FGD4: variants seen among roughly 807,000 people sequenced by gnomAD.
FGD4 encodes the protein FYVE, RhoGEF and PH domain-containing protein 4.
Under a neutral mutation model 102.0 loss-of-function variants are expected in FGD4, and 42 were observed. That is an observed-to-expected ratio of 0.41 (90% confidence interval 0.32 to 0.53). The LOEUF (loss-of-function observed/expected upper bound fraction) is 0.53, where lower values mean the gene tolerates loss of function less well. FGD4 is among the 20% of genes least tolerant of loss of function. FGD4 has a pLI of 0.21. For missense variants in FGD4, 902 were observed against 1,078.2 expected (o/e 0.84, Z 2.29); for synonymous variants, 380 against 375.7 (o/e 1.01, Z -0.13).
At chr12:32,406,679 T>C (rs1940946589) in intron 1 of FGD4, among the ~76,000 whole-genome samples, 1 of 152,218 alleles carries the variant, frequency 6.6e-6, no homozygotes, top group Admixed American at 6.5e-5. Context: ...GATGATCTGC[T>C]TGGCTTCCAA....
At chr12:32,490,246 A>G (rs1175614532) in intron 1 of FGD4, among the ~76,000 whole-genome samples, 1 of 152,116 alleles carries the variant, frequency 6.6e-6, no homozygotes, top group African/African-American at 2.4e-5. Flanking sequence ...AAATTCTGAC[A>G]TTTGACATTT....
intron 1 of FGD4, among the ~76,000 whole-genome samples, chr12:32,442,984 C>T (rs1198165689): frequency 6.6e-6 from 1 of 152,156 alleles, no homozygotes; most frequent in Non-Finnish European, 1.5e-5. Flanking sequence ...GTTGTCTTGA[C>T]AGATGTCTAT....
At chr12:32,413,180 A>G (rs1053261663) in intron 1 of FGD4, among the ~76,000 whole-genome samples, 4 of 152,178 alleles carry the variant, frequency 2.6e-5, no homozygotes, top group East Asian at 1.9e-4. Flanking sequence ...CCTAATGTAG[A>G]TGATGGTTTG....
chr12:32,474,610 G>A (rs565010054), intron 1 of FGD4, among the ~76,000 whole-genome samples: 1 of 152,230 alleles, frequency 6.6e-6, no homozygotes, highest in African/African-American at 2.4e-5. Context: ...ATAGCTAAAA[G>A]GTATACGGTT....
At chr12:32,619,364 C>T (rs544073558) in intron 10 of FGD4, among the ~76,000 whole-genome samples, 11 of 152,192 alleles carry the variant, frequency 7.2e-5, no homozygotes, top group African/African-American at 2.6e-4. Flanking sequence ...TGCGGTGGCT[C>T]ACACCTGTAA....
At chr12:32,419,446 T>TCA (rs1941546318) in intron 1 of FGD4, among the ~76,000 whole-genome samples, 1 of 152,158 alleles carries the variant, frequency 6.6e-6, no homozygotes, top group African/African-American at 2.4e-5. Flanking sequence ...AGCACTGAGT[T>TCA]AAGTTAAAGT....
At chr12:32,597,197 G>A (rs1947979625) in intron 4 of FGD4, among the ~76,000 whole-genome samples, 1 of 152,162 alleles carries the variant, frequency 6.6e-6, no homozygotes, top group Admixed American at 6.5e-5. Flanking sequence ...CCCTCATACA[G>A]CAATACAGAA....
At chr12:32,404,086 C>T (rs202093930) in intron 1 of FGD4, among the ~76,000 whole-genome samples, 2 of 145,212 alleles carry the variant, frequency 1.4e-5, no homozygotes, top group Non-Finnish European at 1.5e-5. Context: ...GTTTTGGGTT[C>T]TTTTTTTTTT....
At position 32,602,238 on chromosome 12, in the gene FGD4, G is replaced by A; in HGVS notation, c.1325G>A (p.Gly442Glu). 1 of 1,614,156 alleles carries A rather than the reference G, an allele frequency of 6.2e-7. No individual in the cohort carries two copies. The highest frequency in any genetic ancestry group is 8.5e-7 in the Non-Finnish European group (1 of 1,180,022). The stretch of plus-strand genomic sequence containing the variant: ...AAGATGTATGGAGAATATGTGAAAG[G>A]ATTTGATAATGCAATGGAATTGGTT... Reference protein sequence around the residue: ...FLKMYGEYVKGFDNAMELVKN... With the variant: ...FLKMYGEYVKEFDNAMELVKN... Residue 442 changes from glycine to glutamate, a missense_variant, in exon 7 of 17, where the codon GGA becomes GAA. Transcript: ENST00000534526.
Position 32,579,872 on chromosome 12 carries a change from T to C in FGD4, c.504-2088T>C, listed in dbSNP as rs541147940. On this transcript the variant is annotated intron_variant, in intron 3 of 16. Coordinates refer to ENST00000534526, the MANE Select transcript of FGD4 (RefSeq NM_001370298.3). Reference sequence around the variant, plus strand: ...TGTATCTTTTTTCCTCCCTCATCACTTTCTTGCTGTTTACTTTTATTCCCT... The same window carrying C: ...TGTATCTTTTTTCCTCCCTCATCACCTTCTTGCTGTTTACTTTTATTCCCT... Among the ~76,000 whole-genome samples the C allele has an allele frequency of 2.0e-4, 30 of 152,322 alleles. No homozygotes were observed. The South Asian group carries it at 3.9e-3, about 20-fold the overall frequency.
chr12:32,593,386 G>C (rs1036260108), intron 4 of FGD4, among the ~76,000 whole-genome samples: 23 of 152,306 alleles, frequency 1.5e-4, no homozygotes, highest in African/African-American at 5.5e-4. Flanking sequence ...ATGTAAGTGA[G>C]TGATTAAACC....
intron 5 of FGD4, among the ~76,000 whole-genome samples, chr12:32,599,363 G>T (rs111330646): frequency 7.0e-6 from 1 of 142,082 alleles, no homozygotes; most frequent in African/African-American, 2.7e-5. Context: ...GCGTGGTAGC[G>T]GGCGCCTGTA....
At chr12:32,424,386 A>G (rs1941756875) in intron 1 of FGD4, among the ~76,000 whole-genome samples, 1 of 152,194 alleles carries the variant, frequency 6.6e-6, no homozygotes, top group African/African-American at 2.4e-5. Context: ...ATGTCCCTGC[A>G]AAGGACATGA....
chr12:32,495,833 A>G (rs1178511456), intron 1 of FGD4, among the ~76,000 whole-genome samples: 1 of 152,156 alleles, frequency 6.6e-6, no homozygotes, highest in African/African-American at 2.4e-5. Context: ...GTGTGCACAC[A>G]TGCTTCACCT....
chr12:32,404,086 C>CTTT (rs35761761), intron 1 of FGD4, among the ~76,000 whole-genome samples: 4 of 145,162 alleles, frequency 2.8e-5, no homozygotes, highest in African/African-American at 7.6e-5. Context: ...GTTTTGGGTT[C>CTTT]TTTTTTTTTT....
At chr12:32,519,997 T>G (rs1940334259) in intron 1 of FGD4, among the ~76,000 whole-genome samples, 1 of 152,112 alleles carries the variant, frequency 6.6e-6, no homozygotes, top group Non-Finnish European at 1.5e-5. Flanking sequence ...TGTTTTAGAG[T>G]AAGTTTTGAA....
At chr12:32,423,732 T>C (rs957399271) in intron 1 of FGD4, among the ~76,000 whole-genome samples, 1 of 152,072 alleles carries the variant, frequency 6.6e-6, no homozygotes, top group Non-Finnish European at 1.5e-5. Context: ...GATGCATTAT[T>C]CATGAGTTTT....
intron 1 of FGD4, among the ~76,000 whole-genome samples, chr12:32,474,097 A>AC (rs908637558): frequency 1.7e-4 from 26 of 152,158 alleles, no homozygotes; most frequent in Admixed American, 2.6e-4. Flanking sequence ...CAAAAAAAAA[A>AC]AACAAAAAGT....
At chr12:32,603,997 A>AT (rs1401606224) in intron 7 of FGD4, among the ~76,000 whole-genome samples, 3 of 152,150 alleles carry the variant, frequency 2.0e-5, no homozygotes, top group African/African-American at 7.2e-5. Context: ...GTATATGGAG[A>AT]TCCCCCCCAG....
Sources: gnomAD v4.1 joint callset for allele counts (sites outside exome capture counted in the v4.1 genomes callset) on GRCh38, gnomAD v4.1.1 for gene constraint, MANE v1.5 for transcripts, NCBI Gene and HGNC (gene_info 2026-07-23, HGNC 2026-07-21) for gene names.